GATAD1: variants seen among roughly 807,000 people sequenced by gnomAD.
GATAD1 encodes the protein GATA zinc finger domain-containing protein 1.
GATAD1 carries 12 observed loss-of-function variants against 26.5 expected under a neutral mutation model. The ratio of observed to expected loss-of-function variants is 0.45; its 90% confidence interval spans 0.29 to 0.73. The LOEUF (loss-of-function observed/expected upper bound fraction) is 0.73, where lower values mean the gene tolerates loss of function less well. Among genes scored for constraint, GATAD1 ranks in the 30% least tolerant of loss-of-function variants. The probability of loss-of-function intolerance (pLI) is 0.10; values close to 1 mark genes in which losing one functional copy is unlikely to be tolerated. For missense variants in GATAD1, 266 were observed against 342.1 expected, an observed-to-expected ratio of 0.78 and a Z score of 1.75; for synonymous variants, 129 against 133.1, an observed-to-expected ratio of 0.97 and a Z score of 0.21.
chr7:92,487,957 T>C, the GATAD1 span, among the ~76,000 whole-genome samples: 18 of 152,272 alleles, frequency 1.2e-4, no homozygotes, highest in African/African-American at 3.8e-4. Context: ...CCTTAAAAAA[T>C]GTGAGCTCCC....
chr7:92,472,807 G>A, the GATAD1 span: 1 of 152,208 alleles, frequency 6.6e-6, no homozygotes, highest in African/African-American at 2.4e-5. Flanking sequence ...GATAATTTTA[G>A]CCCTAAGTAA....
the GATAD1 span, chr7:92,494,006 T>C: frequency 2.8e-6 from 1 of 357,442 alleles, no homozygotes; most frequent in Non-Finnish European, 5.3e-6. Flanking sequence ...TATGTAATCT[T>C]TGAACAGAAG....
chr7:92,469,827 G>A, the GATAD1 span: 1 of 770,988 alleles, frequency 1.3e-6, no homozygotes, highest in Non-Finnish European at 2.4e-6. Flanking sequence ...ATATCCAACA[G>A]TTAGTAGGGT....
the GATAD1 span, chr7:92,469,977 T>A: frequency 9.0e-6 from 7 of 776,804 alleles, no homozygotes; most frequent in South Asian, 6.7e-5. Flanking sequence ...CCCGGGTGAG[T>A]TGGGAGATTA....
the GATAD1 span, chr7:92,494,328 G>T: frequency 5.6e-6 from 9 of 1,613,882 alleles, no homozygotes; most frequent in East Asian, 2.0e-4. Flanking sequence ...CATTTATCTA[G>T]TCGACCAGGC....
the GATAD1 span, chr7:92,486,878 T>C: frequency 6.6e-6 from 1 of 152,234 alleles, no homozygotes; most frequent in African/African-American, 2.4e-5. Flanking sequence ...AGGAGAGGAA[T>C]GGATGTCATT....
At position 92,456,793 on chromosome 7, in the gene GATAD1, G is replaced by T. The variant is rs925092424; in HGVS notation, c.*231G>T. On this transcript the variant is annotated 3_prime_UTR_variant, in exon 5 of 5. Coordinates refer to ENST00000287957, the MANE Select transcript of GATAD1 (RefSeq NM_021167.5). Reference sequence around the variant, plus strand: ...AAAGTGACTAAAAAGTTTTTCTCCTGCTACCTAGTAATAAACAAATCATTG... The same window carrying T: ...AAAGTGACTAAAAAGTTTTTCTCCTTCTACCTAGTAATAAACAAATCATTG... The T allele has an allele frequency of 2.3e-6, 1 of 441,816 alleles. No individual in the cohort carries two copies. Among genetic ancestry groups the T allele is most frequent in the Non-Finnish European group, 3.9e-6 (1 of 253,470 alleles). 27.4% of individuals were successfully genotyped at this position (441,816 alleles called of 1,614,324 possible).
At chr7:92,462,497 T>C (rs561207715), downstream of GATAD1, among the ~76,000 whole-genome samples, 4 of 152,328 alleles carry the variant, frequency 2.6e-5, no homozygotes, top group Non-Finnish European at 5.9e-5. Flanking sequence ...CTTTTAAAAA[T>C]TTTGAAGTTT....
chr7:92,456,663 T>G lies in GATAD1; in HGVS notation c.*101T>G, dbSNP rs954989187. 6.1e-6 allele frequency: 4 copies of G among 654,262 alleles called. No individual in the cohort carries two copies. Among genetic ancestry groups the G allele is most frequent in the Non-Finnish European group, 1.0e-5 (4 of 390,834 alleles). 40.5% of individuals were successfully genotyped at this position (654,262 alleles called of 1,614,324 possible). ...CTCCAAGCTGGGCAATGGAGTCAGA[T>G]TCTCTTTCTTAAAAAACCACAAAAA... is the stretch of plus-strand genomic sequence containing the variant. On this transcript the variant is annotated 3_prime_UTR_variant, in exon 5 of 5. Transcript: ENST00000287957.
chr7:92,463,280 A>G (rs550687280), downstream of GATAD1, among the ~76,000 whole-genome samples: 109 of 152,278 alleles, frequency 7.2e-4, no homozygotes, highest in Non-Finnish European at 1.3e-3. Flanking sequence ...AGTGATTTTG[A>G]AAAAATTCTG....
At chr7:92,491,801 T>C in the GATAD1 span, among the ~76,000 whole-genome samples, 1 of 152,294 alleles carries the variant, frequency 6.6e-6, no homozygotes, top group Middle Eastern at 3.4e-3. Context: ...CATTCATACT[T>C]TTCTACTCCA....
At position 92,454,913 on chromosome 7, in the gene GATAD1, CCTT is replaced by C. The variant is rs142682567; in HGVS notation, c.619+232_619+234del. On this transcript the variant is annotated intron_variant, in intron 4 of 4. Coordinates refer to ENST00000287957, the MANE Select transcript of GATAD1 (RefSeq NM_021167.5). ...TTTCTTCCTGGCATATAGATGGTCACCTTCTTGCTGTGTCCTCACATGGCCTTT... is the reference window on the plus strand; with the variant it reads ...TTTCTTCCTGGCATATAGATGGTCACCTTGCTGTGTCCTCACATGGCCTTT... 9.4e-3 allele frequency among the ~76,000 whole-genome samples: 1,431 copies of C among 152,248 alleles called. 66 individuals carry two copies. Among genetic ancestry groups the C allele is most frequent in the East Asian group, 0.091 (473 of 5,170 alleles).
the GATAD1 span, chr7:92,489,978 C>A: frequency 1.7e-6 from 2 of 1,196,402 alleles, no homozygotes; most frequent in Non-Finnish European, 2.5e-6. Context: ...ATGTGTTTAC[C>A]AAATATAAAA....
In GATAD1 at chr7:92,447,706, C is replaced by CG; in HGVS notation, c.-19dup. 1 of 1,440,296 alleles carries CG rather than the reference C, an allele frequency of 6.9e-7. No individual in the cohort carries two copies. Among genetic ancestry groups the CG allele is most frequent in the South Asian group, 1.4e-5 (1 of 71,230 alleles). 89.2% of individuals were successfully genotyped at this position (1,440,296 alleles called of 1,614,324 possible). A position where few individuals can be genotyped will look rare whatever the true frequency, so the allele number is the denominator to read the frequency against. On this transcript the variant is annotated 5_prime_UTR_variant, in exon 1 of 5. Transcript: ENST00000287957. ...CGCCATTCCCGTGTCTCTGCGCCCG[C>CG]GGGGGCCGCCCGAGCCGGCCACCAT...
the GATAD1 span, among the ~76,000 whole-genome samples, chr7:92,467,750 TA>T: frequency 6.6e-6 from 1 of 152,174 alleles, no homozygotes; most frequent in Non-Finnish European, 1.5e-5. Context: ...TGAAAAGTAT[TA>T]ATAGGATGAT....
chr7:92,488,457 A>G, the GATAD1 span, among the ~76,000 whole-genome samples: 2 of 152,188 alleles, frequency 1.3e-5, no homozygotes, highest in South Asian at 2.1e-4. Context: ...ATCACACTGA[A>G]TCATTGACCT....
the GATAD1 span, chr7:92,465,159 A>T: frequency 6.6e-6 from 1 of 152,242 alleles, no homozygotes; most frequent in East Asian, 1.9e-4. Context: ...TCACTGCTGA[A>T]CTGCCATACG....
At chr7:92,492,038 C>T in the GATAD1 span, among the ~76,000 whole-genome samples, 1 of 152,136 alleles carries the variant, frequency 6.6e-6, no homozygotes, top group African/African-American at 2.4e-5. Context: ...ATGGTAAAGT[C>T]TATAATGTAA....
At chr7:92,448,650 AT>A (rs1251357343) in intron 1 of GATAD1, 101 bp from the exon 2 acceptor site, 5 of 890,674 alleles carry the variant, frequency 5.6e-6, no homozygotes, top group Non-Finnish European at 9.1e-6. Context: ...AAATGCTCTT[AT>A]AAAGTACATA....
Sources: gnomAD v4.1 joint callset for allele counts (sites outside exome capture counted in the v4.1 genomes callset) on GRCh38, gnomAD v4.1.1 for gene constraint, MANE v1.5 for transcripts, NCBI Gene and HGNC (gene_info 2026-07-23, HGNC 2026-07-21) for gene names.